ENDOU: variants seen among roughly 807,000 people sequenced by gnomAD.
The protein encoded by ENDOU is endonuclease, poly(U) specific.
ENDOU carries 49 observed loss-of-function variants against 54.2 expected under a neutral mutation model. The observed-to-expected ratio is 0.90, with a 90% CI of 0.72 to 1.15. The LOEUF is 1.15. Ranked by LOEUF, ENDOU falls within the 50% of genes most tolerant of loss-of-function variation. ENDOU has a pLI of 0.00. For synonymous variants in ENDOU, 172 were observed against 190.5 expected, an observed-to-expected ratio of 0.90 and a Z score of 0.80; for missense variants, 458 against 511.4, an observed-to-expected ratio of 0.90 and a Z score of 1.01.
intron 1 of ENDOU, among the ~76,000 whole-genome samples, chr12:47,724,644 C>G (rs74733564): frequency 0.071 from 10,752 of 151,948 alleles, 483 homozygotes; most frequent in Middle Eastern, 0.11. Context: ...GGCACTCCTT[C>G]CCACCCACCC....
chr12:47,720,585 TG>T, intron 2 of ENDOU, 167 bp downstream of exon 2: 1 of 533,104 alleles, frequency 1.9e-6, no homozygotes, highest in Non-Finnish European at 3.0e-6. Context: ...CTAGAAAACC[TG>T]AGAAAAGTGG....
chr12:47,712,976 C>G (rs543438233), intron 7 of ENDOU, among the ~76,000 whole-genome samples: 47 of 152,250 alleles, frequency 3.1e-4, no homozygotes, highest in Admixed American at 2.2e-3. Context: ...AAGCAAAGGA[C>G]TGTTCAGAGG....
chr12:47,719,807 A>C (rs1039204204), intron 2 of ENDOU: 4 of 152,230 alleles, frequency 2.6e-5, no homozygotes, highest in Admixed American at 1.3e-4. Context: ...ATAAATTGAA[A>C]AAAAGCTTCC....
At position 47,716,367 on chromosome 12, in the gene ENDOU, G is replaced by A. The variant is rs61734364; in HGVS notation, c.684C>T (p.Asp228=). 6,996 of 1,614,076 alleles carry A rather than the reference G, an allele frequency of 4.3e-3. 251 individuals carry two copies. The African/African-American group carries it at 0.08, about 18-fold the overall frequency. Residue 228 remains aspartate (D), a synonymous_variant, in exon 6 of 10, where the codon GAC becomes GAT. Coordinates refer to ENST00000422538, the MANE Select transcript of ENDOU (RefSeq NM_001172439.2). ...TCTTCATGATCTCTCTGAGGAAGGC[G>A]TCCTGCTCGGCCAGCTCCTGGGCAC... ...HFSAQELAEQ[D]AFLREIMKTA...
intron 7 of ENDOU, 137 bp from the exon 8 acceptor site, chr12:47,712,759 C>T: frequency 1.5e-6 from 1 of 658,840 alleles, no homozygotes; most frequent in South Asian, 1.8e-5. Context: ...TGCTGTGAGT[C>T]CCCAGAGTCT....
rs1200494609 is a variant in ENDOU, at chr12:47,718,129, T to C, written c.244A>G (p.Asn82Asp). 4 of 1,569,786 alleles carry C rather than the reference T, an allele frequency of 2.5e-6. 1 individual carries two copies. In the South Asian group the frequency reaches 4.7e-5, roughly 18 times the overall value. ...CCCCCCTTTGGGGAGGCAGGCTCAC[T>C]GCTGGCGAGGGCCTCTTCTGTCTCT... ...EEETEEALAS[N>D]LYSAPTSCQG... The change falls in exon 3 of 10, where the codon AAC becomes GAC. Residue 82 changes from asparagine (N) to aspartate (D), a missense_variant and splice_region_variant. Transcript: ENST00000422538.
chr12:47,712,469 G>T (rs572745633), intron 8 of ENDOU, 47 bp downstream of exon 8: 1 of 1,401,016 alleles, frequency 7.1e-7, no homozygotes, highest in Non-Finnish European at 1.0e-6. Flanking sequence ...CAGAGTGAGA[G>T]CAGGATATCT....
chr12:47,719,947 A>T (rs534842996), intron 2 of ENDOU: 1 of 152,312 alleles, frequency 6.6e-6, no homozygotes, highest in East Asian at 1.9e-4. Flanking sequence ...AAGGATACAG[A>T]CTGGATTTTG....
chr12:47,714,955 G>T (rs1170109472), intron 6 of ENDOU, among the ~76,000 whole-genome samples: 3 of 152,216 alleles, frequency 2.0e-5, no homozygotes, highest in African/African-American at 7.2e-5. Flanking sequence ...ACAGAGAATG[G>T]TTTCACACAC....
intron 1 of ENDOU, among the ~76,000 whole-genome samples, chr12:47,721,490 T>C (rs1940431878): frequency 6.6e-6 from 1 of 152,218 alleles, no homozygotes; most frequent in East Asian, 1.9e-4. Flanking sequence ...TTATGTTATT[T>C]GCTTCTTTGC....
chr12:47,717,132 C>T, intron 4 of ENDOU, 74 bp from the exon 5 acceptor site: 1 of 1,353,832 alleles, frequency 7.4e-7, no homozygotes, highest in Non-Finnish European at 1.0e-6. Flanking sequence ...ATCTGTGTAC[C>T]TCCCCTCCTG....
intron 1 of ENDOU, among the ~76,000 whole-genome samples, chr12:47,722,852 C>A: frequency 6.6e-6 from 1 of 152,202 alleles, no homozygotes; most frequent in East Asian, 1.9e-4. Flanking sequence ...GGTTTCCAGT[C>A]CCTAAAAGAG....
chr12:47,723,151 T>C (rs1471349551), intron 1 of ENDOU, among the ~76,000 whole-genome samples: 3 of 152,170 alleles, frequency 2.0e-5, no homozygotes, highest in African/African-American at 7.2e-5. Context: ...CAGCTGGACG[T>C]GCAGGAGAGC....
At chr12:47,713,433 G>T in intron 6 of ENDOU, 45 bp from the exon 7 acceptor site, 1 of 1,390,160 alleles carries the variant, frequency 7.2e-7, no homozygotes, top group East Asian at 2.3e-5. Context: ...GGCAGGGCCA[G>T]GTCCTGGGAG....
chr12:47,711,811 G>T lies in ENDOU; in HGVS notation c.973-36C>A. ...AAGGGCAGAAAAGGGGGTCTGGTGAGTGCCACAGAGTGGAGTAGAACGGGT... is the reference window on the plus strand; with the variant it reads ...AAGGGCAGAAAAGGGGGTCTGGTGATTGCCACAGAGTGGAGTAGAACGGGT... On this transcript the variant is annotated intron_variant, in intron 8 of 9. Transcript: ENST00000422538. 1.9e-6 allele frequency: 3 copies of T among 1,612,328 alleles called. No homozygotes were observed. The South Asian group carries it at 3.3e-5, about 18-fold the overall frequency.
Position 47,716,488 on chromosome 12 carries a change from TAAGTG to T in ENDOU, c.558_562del (p.Phe186LeufsTer4). On this transcript the variant is annotated frameshift_variant, in exon 6 of 10. Transcript: ENST00000422538. LOFTEE classifies it high-confidence loss of function. ...CTTGGAGAACAGCTTCTCATTGACA[TAAGTG>T]AAGAGTCTGGGGGAGGCAGAGGGGA... The T allele has an allele frequency of 6.2e-7, 1 of 1,613,522 alleles. No individual in the cohort carries two copies.
intron 1 of ENDOU, among the ~76,000 whole-genome samples, chr12:47,723,802 C>T (rs771312305): frequency 1.3e-5 from 2 of 152,224 alleles, no homozygotes; most frequent in Admixed American, 1.3e-4. Flanking sequence ...AACCAAGAAG[C>T]CTCACCCCTT....
At chr12:47,717,091 G>A (rs376944412) in intron 4 of ENDOU, 33 bp from the exon 5 acceptor site, 2 of 1,605,316 alleles carry the variant, frequency 1.2e-6, no homozygotes, top group Non-Finnish European at 1.7e-6. Flanking sequence ...TGGCCTCAGA[G>A]CCAGAGGGAA....
chr12:47,715,865 C>T (rs1306413646), intron 6 of ENDOU, among the ~76,000 whole-genome samples: 3 of 152,162 alleles, frequency 2.0e-5, no homozygotes, highest in Admixed American at 6.5e-5. Context: ...TCAGCCAACC[C>T]GATTCCTGGA....
Sources: gnomAD v4.1 joint callset for allele counts (sites outside exome capture counted in the v4.1 genomes callset) on GRCh38, gnomAD v4.1.1 for gene constraint, MANE v1.5 for transcripts, NCBI Gene and HGNC (gene_info 2026-07-23, HGNC 2026-07-21) for gene names.